ARHGAP26: variants seen among roughly 807,000 people sequenced by gnomAD.
ARHGAP26 encodes Rho GTPase activating protein 26, also known as rho GTPase-activating protein 26.
In ARHGAP26, 38 loss-of-function variants were observed where a neutral mutation model predicts 104.8. The observed-to-expected ratio is 0.36, with a 90% CI of 0.28 to 0.48. The LOEUF is 0.48. ARHGAP26 is among the 20% of genes least tolerant of loss of function. The probability of loss-of-function intolerance (pLI) is 0.99; values close to 1 mark genes in which losing one functional copy is unlikely to be tolerated. For synonymous variants in ARHGAP26, 341 were observed against 340.0 expected, an observed-to-expected ratio of 1.00 and a Z score of -0.03; for missense variants, 704 against 947.9, an observed-to-expected ratio of 0.74 and a Z score of 3.38.
At chr5:143,024,784 G>A (rs1042442402) in intron 12 of ARHGAP26, among the ~76,000 whole-genome samples, 2 of 152,168 alleles carry the variant, frequency 1.3e-5, no homozygotes, top group Non-Finnish European at 2.9e-5. Flanking sequence ...ACTGATCAGA[G>A]TTGTCAGAGC....
intron 22 of ARHGAP26, among the ~76,000 whole-genome samples, chr5:143,215,297 TG>T (rs1810172093): frequency 1.3e-5 from 2 of 152,246 alleles, no homozygotes; most frequent in South Asian, 4.1e-4. Context: ...ACTGCTCATA[TG>T]GGCAGGGGAT....
chr5:142,949,228 GA>G (rs1767881101), intron 11 of ARHGAP26, among the ~76,000 whole-genome samples: 9 of 75,438 alleles, frequency 1.2e-4, no homozygotes, highest in East Asian at 1.8e-3. Context: ...AGAGGAGAGA[GA>G]GAGGAGAGAG....
At chr5:143,052,126 T>G (rs921857595) in intron 14 of ARHGAP26, among the ~76,000 whole-genome samples, 11 of 152,178 alleles carry the variant, frequency 7.2e-5, no homozygotes, top group African/African-American at 2.7e-4. Flanking sequence ...TTTCAGAAAT[T>G]TGCTGTGATA....
chr5:143,083,542 A>G (rs1188879637), intron 17 of ARHGAP26, among the ~76,000 whole-genome samples: 1 of 152,200 alleles, frequency 6.6e-6, no homozygotes, highest in Non-Finnish European at 1.5e-5. Context: ...CTTTTTGCCC[A>G]GGCTGAAGTG....
intron 11 of ARHGAP26, among the ~76,000 whole-genome samples, chr5:142,934,174 C>G (rs1765106809): frequency 6.6e-6 from 1 of 152,208 alleles, no homozygotes; most frequent in Admixed American, 6.5e-5. Context: ...TCCCCATCCT[C>G]TCTCCCCACC....
At chr5:143,058,205 A>G (rs1786145406) in intron 17 of ARHGAP26, 1 of 383,572 alleles carries the variant, frequency 2.6e-6, no homozygotes, top group Admixed American at 4.3e-5. Context: ...CCCTGAACAA[A>G]CTGCTGAACT....
chr5:142,843,902 G>C (rs571835181), intron 1 of ARHGAP26, among the ~76,000 whole-genome samples: 1 of 152,234 alleles, frequency 6.6e-6, no homozygotes, highest in East Asian at 1.9e-4. Flanking sequence ...CCATTTGTTA[G>C]TTATGGGGTC....
rs901717683 is a variant in ARHGAP26 at position 143,226,474 on chromosome 5, C to T, written c.*4028C>T. 9 of 162,372 alleles carry T rather than the reference C, an allele frequency of 5.5e-5. No individual in the cohort carries two copies. The highest frequency in any genetic ancestry group is 1.5e-4 in the Admixed American group (2 of 13,756). 10.1% of individuals were successfully genotyped at this position (162,372 alleles called of 1,614,324 possible). On this transcript the variant is annotated 3_prime_UTR_variant, in exon 23 of 23. Transcript: ENST00000645722. ...CCAGCCTGGGTGACAGAGCCAGACT[C>T]CGTCTCAAAGGAAAAAAAAAAAAAA... is the stretch of plus-strand genomic sequence containing the variant.
chr5:142,826,906 A>G (rs1003570746), intron 1 of ARHGAP26, among the ~76,000 whole-genome samples: 1 of 152,166 alleles, frequency 6.6e-6, no homozygotes, highest in South Asian at 2.1e-4. Context: ...GCAAAAGCCA[A>G]CATTTTTCTG....
chr5:142,997,429 G>GACA (rs1306308623), intron 11 of ARHGAP26, among the ~76,000 whole-genome samples: 1 of 152,054 alleles, frequency 6.6e-6, no homozygotes, highest in African/African-American at 2.4e-5. Flanking sequence ...GGTTGGTGGG[G>GACA]ACAGGGTTTT....
chr5:143,183,331 ATGGTAGGACCTGCC>A (rs1804668789), intron 20 of ARHGAP26, among the ~76,000 whole-genome samples: 1 of 152,220 alleles, frequency 6.6e-6, no homozygotes, highest in South Asian at 2.1e-4. Context: ...AATGGGGCTA[ATGGTAGGACCTGCC>A]TGCTGATCTT....
intron 11 of ARHGAP26, among the ~76,000 whole-genome samples, chr5:142,951,349 C>T (rs1461131077): frequency 6.6e-6 from 1 of 152,208 alleles, no homozygotes; most frequent in Non-Finnish European, 1.5e-5. Context: ...CATGAGCCAC[C>T]ATACCTGGCC....
At position 142,822,899 on chromosome 5, in the gene ARHGAP26, A is replaced by G. The variant is rs116329953; in HGVS notation, c.155-50501A>G. 4.7e-3 allele frequency among the ~76,000 whole-genome samples: 712 copies of G among 152,334 alleles called. 8 individuals carry two copies. The highest frequency in any genetic ancestry group is 0.016 in the African/African-American group (681 of 41,576). On this transcript the variant is annotated intron_variant, in intron 1 of 22. Coordinates refer to ENST00000645722, the MANE Select transcript of ARHGAP26 (RefSeq NM_001135608.3). Reference sequence around the variant, plus strand: ...AGGCACGTGGGAGACCAGTCAGTAAATAGTTGCTGAGTGATGGATGAACCA... The same window carrying G: ...AGGCACGTGGGAGACCAGTCAGTAAGTAGTTGCTGAGTGATGGATGAACCA...
intron 11 of ARHGAP26, among the ~76,000 whole-genome samples, chr5:142,936,216 T>C (rs1272762145): frequency 6.6e-6 from 1 of 151,098 alleles, no homozygotes; most frequent in South Asian, 2.1e-4. Context: ...ACAAAATCAA[T>C]CATATTTCTG....
At chr5:143,188,112 A>C (rs2151232148) in intron 20 of ARHGAP26, among the ~76,000 whole-genome samples, 2 of 152,366 alleles carry the variant, frequency 1.3e-5, no homozygotes, top group South Asian at 4.1e-4. Flanking sequence ...AGAAGCTTAC[A>C]CATATTTCCA....
At chr5:143,020,351 G>T (rs1025001275) in intron 12 of ARHGAP26, among the ~76,000 whole-genome samples, 1 of 152,176 alleles carries the variant, frequency 6.6e-6, no homozygotes, top group Middle Eastern at 3.2e-3. Flanking sequence ...TAAAGCTCAT[G>T]TGATCTGCTG....
At chr5:143,208,710 T>G (rs1251350980) in intron 21 of ARHGAP26, among the ~76,000 whole-genome samples, 2 of 152,210 alleles carry the variant, frequency 1.3e-5, no homozygotes, top group African/African-American at 4.8e-5. Context: ...ACCCCAACTT[T>G]GAGTTTCCGT....
At chr5:143,111,706 G>T (rs1489534846) in intron 17 of ARHGAP26, among the ~76,000 whole-genome samples, 11 of 152,236 alleles carry the variant, frequency 7.2e-5, no homozygotes, top group African/African-American at 2.7e-4. Context: ...TGGTATAGTA[G>T]TGTGAGCTCA....
At chr5:142,868,810 T>C (rs1754776252) in intron 1 of ARHGAP26, 3 of 152,360 alleles carry the variant, frequency 2.0e-5, no homozygotes, top group Admixed American at 1.3e-4. Flanking sequence ...CTGAAGTCTC[T>C]CTGGGGCTCG....
Sources: allele counts gnomAD v4.1 joint callset (sites outside exome capture counted in the v4.1 genomes callset), GRCh38; gene constraint gnomAD v4.1.1; transcripts MANE v1.5; gene names NCBI Gene and HGNC (gene_info 2026-07-23, HGNC 2026-07-21).